KLHL29: variants seen among roughly 807,000 people sequenced by gnomAD.
KLHL29 encodes the protein kelch like family member 29.
Under a neutral mutation model 80.4 loss-of-function variants are expected in KLHL29, and 21 were observed. The ratio of observed to expected loss-of-function variants is 0.26; its 90% confidence interval spans 0.19 to 0.38. The LOEUF (loss-of-function observed/expected upper bound fraction) is 0.38, where lower values mean the gene tolerates loss of function less well. KLHL29 is among the 10% of genes least tolerant of loss of function. The pLI, the probability that KLHL29 is intolerant of heterozygous loss-of-function variation, is 1.00. For missense variants in KLHL29, 867 were observed against 1,223.9 expected (o/e 0.71, Z 4.35); for synonymous variants, 511 against 526.8 (o/e 0.97, Z 0.41).
chr2:23,686,885 G>A (rs963081475), intron 6 of KLHL29, among the ~76,000 whole-genome samples: 2 of 152,194 alleles, frequency 1.3e-5, no homozygotes, highest in African/African-American at 2.4e-5. Flanking sequence ...GAAAGTCGCC[G>A]TGTTCGTTTG....
chr2:23,516,278 C>G (rs572073837), intron 2 of KLHL29, among the ~76,000 whole-genome samples: 1 of 152,256 alleles, frequency 6.6e-6, no homozygotes, highest in Non-Finnish European at 1.5e-5. Flanking sequence ...GAAGGGCTGA[C>G]CAGGAGCAAC....
intron 5 of KLHL29, among the ~76,000 whole-genome samples, chr2:23,671,320 A>G (rs1572483755): frequency 2.0e-5 from 3 of 151,776 alleles, no homozygotes; most frequent in Admixed American, 1.3e-4. Flanking sequence ...TGCCTGCCCC[A>G]TGCCCAGTTC....
intron 1 of KLHL29, among the ~76,000 whole-genome samples, chr2:23,391,189 C>G (rs536544392): frequency 5.1e-4 from 77 of 152,232 alleles, no homozygotes; most frequent in Middle Eastern, 6.3e-3. Flanking sequence ...CTTAGCATAA[C>G]GTCTTCCAGG....
intron 2 of KLHL29, among the ~76,000 whole-genome samples, chr2:23,491,886 G>A (rs985249363): frequency 1.3e-5 from 2 of 152,150 alleles, no homozygotes; most frequent in African/African-American, 4.8e-5. Context: ...AAACCTGAGA[G>A]TGCATCTCGC....
At chr2:23,603,825 G>A (rs1033308989) in intron 3 of KLHL29, among the ~76,000 whole-genome samples, 4 of 152,220 alleles carry the variant, frequency 2.6e-5, no homozygotes, top group South Asian at 2.1e-4. Flanking sequence ...AAGGAAGGCT[G>A]CACTCAGCCC....
intron 1 of KLHL29, among the ~76,000 whole-genome samples, chr2:23,420,802 G>A (rs1662776790): frequency 6.6e-6 from 1 of 152,166 alleles, no homozygotes; most frequent in South Asian, 2.1e-4. Flanking sequence ...TGTCAGCGGG[G>A]CCTCTGGGTG....
chr2:23,627,907 A>G (rs1553347327), intron 3 of KLHL29, among the ~76,000 whole-genome samples: 8 of 40,606 alleles, frequency 2.0e-4, no homozygotes, highest in East Asian at 2.2e-3. Flanking sequence ...GGAGGCCAGG[A>G]GTCTTTTTTT....
At chr2:23,706,177 CCTGAG>C (rs1005290744) in intron 13 of KLHL29, among the ~76,000 whole-genome samples, 12 of 152,258 alleles carry the variant, frequency 7.9e-5, no homozygotes, top group African/African-American at 2.7e-4. Flanking sequence ...GCCTCAGTGA[CCTGAG>C]CTGAGTGCCC....
At chr2:23,410,639 G>A (rs920348001) in intron 1 of KLHL29, among the ~76,000 whole-genome samples, 5 of 152,062 alleles carry the variant, frequency 3.3e-5, no homozygotes, top group Non-Finnish European at 7.4e-5. Context: ...GGGTCAAGCT[G>A]TTGGTCCGCA....
intron 3 of KLHL29, among the ~76,000 whole-genome samples, chr2:23,602,736 G>A (rs1157205400): frequency 6.6e-6 from 1 of 151,746 alleles, no homozygotes; most frequent in Non-Finnish European, 1.5e-5. Flanking sequence ...TTACAGGCGT[G>A]AGGCACCACT....
chr2:23,535,326 C>T (rs1238453522), intron 2 of KLHL29, among the ~76,000 whole-genome samples: 1 of 152,262 alleles, frequency 6.6e-6, no homozygotes, highest in Admixed American at 6.5e-5. Context: ...CAGGAGACCT[C>T]ACCCTGGCCT....
Position 23,635,363 on chromosome 2 carries a change from C to T in KLHL29, c.286-3776C>T, listed in dbSNP as rs1049998841. 7.2e-5 allele frequency among the ~76,000 whole-genome samples: 11 copies of T among 152,180 alleles called. No individual in the cohort carries two copies. The East Asian group carries it at 2.1e-3, about 29-fold the overall frequency. ...CACCTTTCCCTAAATGAAGCTGGTCCCTCAGAGCAGCTGTGTGGGCCATGC... is the reference window on the plus strand; with the variant it reads ...CACCTTTCCCTAAATGAAGCTGGTCTCTCAGAGCAGCTGTGTGGGCCATGC... On this transcript the variant is annotated intron_variant, in intron 3 of 13. Coordinates refer to ENST00000486442, the MANE Select transcript of KLHL29 (RefSeq NM_052920.2).
At chr2:23,446,204 G>GT (rs11421477) in intron 1 of KLHL29, among the ~76,000 whole-genome samples, 65,256 of 143,916 alleles carry the variant, frequency 0.45, 14,837 homozygotes, top group African/African-American at 0.58. Flanking sequence ...TGCATTTGGA[G>GT]TTTTTTTTTT....
chr2:23,515,658 A>G (rs1665898497), intron 2 of KLHL29, among the ~76,000 whole-genome samples: 1 of 152,260 alleles, frequency 6.6e-6, no homozygotes, highest in Non-Finnish European at 1.5e-5. Flanking sequence ...TGGCCCACAG[A>G]AGGTCTCCTG....
chr2:23,705,843 CAG>C (rs1672684611), intron 13 of KLHL29, among the ~76,000 whole-genome samples: 1 of 152,168 alleles, frequency 6.6e-6, no homozygotes, highest in Non-Finnish European at 1.5e-5. Flanking sequence ...GGAGTCAGTG[CAG>C]AGAGGGGCCA....
intron 5 of KLHL29, among the ~76,000 whole-genome samples, chr2:23,648,861 C>T (rs893619715): frequency 3.9e-5 from 6 of 152,232 alleles, no homozygotes; most frequent in Admixed American, 3.9e-4. Context: ...TAAATTCAAA[C>T]TCCACTTCCC....
At chr2:23,578,767 A>C (rs1667905358) in intron 3 of KLHL29, among the ~76,000 whole-genome samples, 1 of 152,202 alleles carries the variant, frequency 6.6e-6, no homozygotes, top group African/African-American at 2.4e-5. Flanking sequence ...GCACTTTTGA[A>C]AATTATATTT....
At chr2:23,406,077 C>T (rs1019369399) in intron 1 of KLHL29, among the ~76,000 whole-genome samples, 3 of 152,150 alleles carry the variant, frequency 2.0e-5, no homozygotes, top group Admixed American at 1.3e-4. Flanking sequence ...GCCTGTACTC[C>T]TACCACTTTG....
intron 2 of KLHL29, among the ~76,000 whole-genome samples, chr2:23,552,761 C>CTTTTTTCTTTT (rs1667161020): frequency 4.2e-5 from 4 of 95,576 alleles, no homozygotes; most frequent in Non-Finnish European, 7.6e-5. Flanking sequence ...GGTTTCTTTT[C>CTTTTTTCTTTT]TTTTTTTTTT....
Sources: allele counts gnomAD v4.1 joint callset (sites outside exome capture counted in the v4.1 genomes callset), GRCh38; gene constraint gnomAD v4.1.1; transcripts MANE v1.5; gene names NCBI Gene and HGNC (gene_info 2026-07-23, HGNC 2026-07-21).